Variants in AOPEP observed in about 807,000 individuals in gnomAD.
AOPEP encodes aminopeptidase O.
In AOPEP, 77 loss-of-function variants were observed where a neutral mutation model predicts 98.1. That is an observed-to-expected ratio of 0.78 (90% confidence interval 0.65 to 0.95). AOPEP has a LOEUF of 0.95. AOPEP is among the 40% of genes least tolerant of loss of function. The probability of loss-of-function intolerance (pLI) is 0.00; values close to 1 mark genes in which losing one functional copy is unlikely to be tolerated. For missense variants in AOPEP, 1,024 were observed against 1,024.7 expected, an observed-to-expected ratio of 1.00 and a Z score of 0.01; for synonymous variants, 346 against 365.3, an observed-to-expected ratio of 0.95 and a Z score of 0.60.
chr9:95,051,587 A>G (rs938164216), intron 13 of AOPEP, among the ~76,000 whole-genome samples: 3 of 152,170 alleles, frequency 2.0e-5, no homozygotes, highest in Non-Finnish European at 4.4e-5. Context: ...TTGCAGAGCT[A>G]TCATTTCATT....
intron 5 of AOPEP, among the ~76,000 whole-genome samples, chr9:94,882,106 G>T (rs1215597448): frequency 6.6e-6 from 1 of 152,188 alleles, no homozygotes; most frequent in East Asian, 1.9e-4. Context: ...AGGTGGTTAT[G>T]GCGGGAAGGC....
intron 5 of AOPEP, among the ~76,000 whole-genome samples, chr9:94,891,708 A>G (rs1331611215): frequency 6.6e-6 from 1 of 152,176 alleles, no homozygotes; most frequent in African/African-American, 2.4e-5. Flanking sequence ...ATTGTGTGTC[A>G]TATTAGGTAG....
At chr9:95,026,016 C>T (rs865956590) in intron 13 of AOPEP, among the ~76,000 whole-genome samples, 2 of 152,182 alleles carry the variant, frequency 1.3e-5, no homozygotes, top group South Asian at 2.1e-4. Context: ...GTCCCTCCCC[C>T]GTGTTCCTTT....
At chr9:94,875,013 T>C (rs1367403015) in intron 5 of AOPEP, among the ~76,000 whole-genome samples, 4 of 152,174 alleles carry the variant, frequency 2.6e-5, no homozygotes, top group Non-Finnish European at 5.9e-5. Flanking sequence ...TCTGGAAATA[T>C]TTCCCAGGCC....
At chr9:94,996,350 CTGTGTGTGTGTGTG>C (rs10608161) in intron 11 of AOPEP, among the ~76,000 whole-genome samples, 6,923 of 141,848 alleles carry the variant, frequency 0.049, 262 homozygotes, top group African/African-American at 0.1. Context: ...TTACTTGCCT[CTGTGTGTGTGTGTG>C]TGTGTGTGTG....
intron 13 of AOPEP, 109 bp downstream of exon 13, chr9:95,005,725 T>G: frequency 1.2e-6 from 1 of 836,266 alleles, no homozygotes; most frequent in Non-Finnish European, 2.0e-6. Context: ...AAGTTTTTGT[T>G]ATAATAAACC....
chr9:94,860,178 A>G (rs965920275), intron 5 of AOPEP, among the ~76,000 whole-genome samples: 2 of 152,216 alleles, frequency 1.3e-5, no homozygotes, highest in Non-Finnish European at 2.9e-5. Flanking sequence ...AGGAGTAGGA[A>G]GAAGGGCATA....
intron 5 of AOPEP, among the ~76,000 whole-genome samples, chr9:94,815,745 G>A (rs1229992039): frequency 6.6e-6 from 1 of 152,148 alleles, no homozygotes; most frequent in African/African-American, 2.4e-5. Context: ...CATGGGTGAA[G>A]CATCTCTCTG....
At chr9:95,053,777 T>C (rs2066591867) in intron 13 of AOPEP, among the ~76,000 whole-genome samples, 1 of 152,210 alleles carries the variant, frequency 6.6e-6, no homozygotes, top group Admixed American at 6.5e-5. Flanking sequence ...TGAAGTCTAC[T>C]GGATTAATCA....
chr9:95,147,580 G>C, the AOPEP span, among the ~76,000 whole-genome samples: 1 of 152,198 alleles, frequency 6.6e-6, no homozygotes, highest in African/African-American at 2.4e-5. Context: ...TCATGAGATG[G>C]AGACATCTGC....
intron 11 of AOPEP, chr9:95,004,363 G>A (rs2061769360): frequency 6.1e-5 from 27 of 443,310 alleles, no homozygotes; most frequent in South Asian, 4.1e-4. Context: ...GGTTCTGGGG[G>A]TCCACGGCAG....
At chr9:94,841,756 G>T (rs777799697) in intron 5 of AOPEP, among the ~76,000 whole-genome samples, 30 of 152,256 alleles carry the variant, frequency 2.0e-4, no homozygotes, top group South Asian at 1.9e-3. Context: ...TACTTTAAAA[G>T]AATATCTACT....
At chr9:94,750,173 T>C (rs969240509) in intron 1 of AOPEP, among the ~76,000 whole-genome samples, 8 of 152,244 alleles carry the variant, frequency 5.3e-5, no homozygotes, top group African/African-American at 1.9e-4. Flanking sequence ...GGGCAGAGTT[T>C]ATATACAGAA....
chr9:94,850,575 G>A (rs985538396), intron 5 of AOPEP, among the ~76,000 whole-genome samples: 3 of 152,160 alleles, frequency 2.0e-5, no homozygotes, highest in African/African-American at 7.2e-5. Context: ...GTTGGCAATG[G>A]TAGAGTGGAA....
intron 1 of AOPEP, among the ~76,000 whole-genome samples, chr9:94,729,918 T>C (rs1307548155): frequency 6.6e-6 from 1 of 151,630 alleles, no homozygotes; most frequent in African/African-American, 2.4e-5. Flanking sequence ...AGAGAAAGAG[T>C]AGGAAGACTG....
intron 5 of AOPEP, among the ~76,000 whole-genome samples, chr9:94,913,814 G>T (rs1443621746): frequency 6.6e-6 from 1 of 152,178 alleles, no homozygotes; most frequent in Non-Finnish European, 1.5e-5. Flanking sequence ...AAACAAACAT[G>T]CCAGTTGTTT....
At chr9:94,853,526 T>G (rs1174766274) in intron 5 of AOPEP, among the ~76,000 whole-genome samples, 1 of 152,210 alleles carries the variant, frequency 6.6e-6, no homozygotes, top group Non-Finnish European at 1.5e-5. Context: ...ACTGTCCTTT[T>G]ATCAGATGGT....
chr9:95,011,059 G>A (rs1233649412), intron 13 of AOPEP, among the ~76,000 whole-genome samples: 2 of 152,036 alleles, frequency 1.3e-5, no homozygotes, highest in South Asian at 2.1e-4. Flanking sequence ...AGCTTTGTTT[G>A]CTATATATTT....
At chr9:94,765,622 A>T (rs745944106) in intron 2 of AOPEP, among the ~76,000 whole-genome samples, 1 of 151,862 alleles carries the variant, frequency 6.6e-6, no homozygotes, top group East Asian at 1.9e-4. Flanking sequence ...TATTAAAAAG[A>T]TAACTTCAAA....
Sources: allele counts gnomAD v4.1 joint callset (sites outside exome capture counted in the v4.1 genomes callset), GRCh38; gene constraint gnomAD v4.1.1; transcripts MANE v1.5; gene names NCBI Gene and HGNC (gene_info 2026-07-23, HGNC 2026-07-21).